Variants in DEPTOR observed in about 807,000 individuals in gnomAD.
DEPTOR encodes DEP domain-containing mTOR-interacting protein.
Under a neutral mutation model 41.6 loss-of-function variants are expected in DEPTOR, and 41 were observed. The observed-to-expected ratio is 0.98, with a 90% confidence interval of 0.77 to 1.28. The LOEUF (loss-of-function observed/expected upper bound fraction) is 1.28. Ranked by LOEUF, DEPTOR falls within the 50% of genes most tolerant of loss-of-function variation. The pLI is 0.00. For missense variants in DEPTOR, 514 were observed against 527.9 expected (o/e 0.97, Z 0.26); for synonymous variants, 195 against 192.3 (o/e 1.01, Z -0.12).
chr8:119,890,170 A>T (rs1192065990), intron 1 of DEPTOR, among the ~76,000 whole-genome samples: 1 of 152,028 alleles, frequency 6.6e-6, no homozygotes, highest in Admixed American at 6.6e-5. Context: ...TCCCAGGCTG[A>T]TCTTGAACTC....
chr8:120,021,091 G>GAAATAAAATAAAATAAAATAAAATA (rs1563594661), intron 8 of DEPTOR, among the ~76,000 whole-genome samples: 1 of 18,798 alleles, frequency 5.3e-5, no homozygotes, highest in African/African-American at 1.7e-4. Flanking sequence ...AATAAAATAG[G>GAAATAAAATAAAATAAAATAAAATA]GCTGATAATA....
intron 8 of DEPTOR, among the ~76,000 whole-genome samples, chr8:120,034,044 G>C (rs905026208): frequency 2.0e-5 from 3 of 152,088 alleles, no homozygotes; most frequent in African/African-American, 7.2e-5. Flanking sequence ...TCCAGTCTGG[G>C]TGACAGAGTG....
intron 8 of DEPTOR, among the ~76,000 whole-genome samples, chr8:120,043,367 G>C (rs1185788910): frequency 6.6e-6 from 1 of 152,066 alleles, no homozygotes; most frequent in Non-Finnish European, 1.5e-5. Context: ...CAAGGAAAAA[G>C]TTTGAAATAA....
At chr8:120,040,468 C>G (rs759102916) in intron 8 of DEPTOR, among the ~76,000 whole-genome samples, 39 of 151,900 alleles carry the variant, frequency 2.6e-4, no homozygotes, top group Admixed American at 7.9e-4. Context: ...CCCAGCTACT[C>G]GGGAGGCTGA....
intron 6 of DEPTOR, among the ~76,000 whole-genome samples, chr8:120,003,484 G>T (rs1488357917): frequency 6.6e-6 from 1 of 152,142 alleles, no homozygotes; most frequent in Non-Finnish European, 1.5e-5. Context: ...TCAGAGAGAT[G>T]GTCTCCAAGA....
chr8:119,897,590 T>C (rs1336978839), intron 1 of DEPTOR, among the ~76,000 whole-genome samples: 2 of 152,182 alleles, frequency 1.3e-5, no homozygotes, highest in East Asian at 3.9e-4. Context: ...TTTCAAGATA[T>C]TTCTCGATTT....
intron 3 of DEPTOR, among the ~76,000 whole-genome samples, chr8:119,951,095 AT>A (rs1358304844): frequency 2.6e-5 from 4 of 151,450 alleles, no homozygotes; most frequent in African/African-American, 7.3e-5. Context: ...ACACACACAC[AT>A]CAATTTTCCC....
At chr8:119,986,288 C>T (rs1036081288) in intron 4 of DEPTOR, among the ~76,000 whole-genome samples, 5 of 152,068 alleles carry the variant, frequency 3.3e-5, no homozygotes, top group South Asian at 4.2e-4. Flanking sequence ...CACTTATAAG[C>T]GTAGTTTGGC....
At chr8:120,029,686 G>T (rs556006137) in intron 8 of DEPTOR, among the ~76,000 whole-genome samples, 2 of 152,096 alleles carry the variant, frequency 1.3e-5, no homozygotes, top group African/African-American at 4.8e-5. Context: ...GTGAGCCACC[G>T]CACCCAGCCA....
chr8:120,039,327 C>T lies in DEPTOR; in HGVS notation c.1102-10249C>T, dbSNP rs1813023696. Among the ~76,000 whole-genome samples the T allele has an allele frequency of 2.6e-5, 4 of 152,200 alleles. No individual in the cohort carries two copies. In the South Asian group the frequency reaches 8.3e-4, roughly 31 times the overall value. Reference sequence around the variant, plus strand: ...GTAACTATTTATTGTTTATAAGCCACTCAGTTTATGGTATTTGATGTTTGT... The same window carrying T: ...GTAACTATTTATTGTTTATAAGCCATTCAGTTTATGGTATTTGATGTTTGT... On this transcript the variant is annotated intron_variant, in intron 8 of 8. Transcript: ENST00000286234.
intron 1 of DEPTOR, among the ~76,000 whole-genome samples, chr8:119,899,221 A>C (rs1006851056): frequency 5.3e-5 from 8 of 152,128 alleles, no homozygotes; most frequent in African/African-American, 1.9e-4. Context: ...AGACTTCCTC[A>C]TGTTATGAGA....
In DEPTOR at chr8:120,013,159, AG is replaced by A. The variant is rs1279362739; in HGVS notation, c.1101+4027del. On this transcript the variant is annotated intron_variant, in intron 8 of 8. Coordinates refer to ENST00000286234, the MANE Select transcript of DEPTOR (RefSeq NM_022783.4). Reference sequence around the variant, plus strand: ...GTGACAGAGCGAGACTGTCTCAAAAAGAAAAAAAAAAAAAAAGATGATGGGA... The same window carrying A: ...GTGACAGAGCGAGACTGTCTCAAAAAAAAAAAAAAAAAAAAGATGATGGGA... 6.2e-4 allele frequency among the ~76,000 whole-genome samples: 93 copies of A among 150,542 alleles called. 3 individuals are homozygous for A. The highest frequency in any genetic ancestry group is 1.8e-3 in the African/African-American group (76 of 41,126).
At chr8:119,876,329 T>A (rs1208066218) in intron 1 of DEPTOR, among the ~76,000 whole-genome samples, 1 of 152,162 alleles carries the variant, frequency 6.6e-6, no homozygotes, top group East Asian at 1.9e-4. Flanking sequence ...CTAGACTGAA[T>A]CTTGGCTTTG....
At chr8:119,964,351 C>G (rs1262124566) in intron 3 of DEPTOR, among the ~76,000 whole-genome samples, 6 of 151,856 alleles carry the variant, frequency 4.0e-5, no homozygotes, top group Non-Finnish European at 8.8e-5. Context: ...CCCGTCTCTA[C>G]TAAAAATACA....
chr8:119,998,817 A>G (rs960959547), intron 4 of DEPTOR, among the ~76,000 whole-genome samples: 6 of 152,124 alleles, frequency 3.9e-5, no homozygotes, highest in African/African-American at 9.7e-5. Context: ...CAGAAGCAGT[A>G]AGAGCAGTGG....
chr8:119,880,113 G>T (rs1827280251), intron 1 of DEPTOR, among the ~76,000 whole-genome samples: 1 of 151,398 alleles, frequency 6.6e-6, no homozygotes, highest in Non-Finnish European at 1.5e-5. Flanking sequence ...CTGCACTCCA[G>T]CCTGGGTGAC....
chr8:119,946,433 T>C (rs1828277821), intron 3 of DEPTOR, among the ~76,000 whole-genome samples: 1 of 111,930 alleles, frequency 8.9e-6, no homozygotes, highest in South Asian at 3.7e-4. Context: ...TAGTGTTTGG[T>C]TTTTTTTTTT....
At chr8:119,988,958 C>CTTTTTT (rs71571643) in intron 4 of DEPTOR, among the ~76,000 whole-genome samples, 12 of 93,920 alleles carry the variant, frequency 1.3e-4, no homozygotes, top group African/African-American at 3.1e-4. Flanking sequence ...TTTTTTTTTT[C>CTTTTTT]TTTTTTTTTT....
chr8:120,006,699 C>A (rs778410376), intron 6 of DEPTOR, 106 bp from the exon 7 acceptor site: 4 of 974,696 alleles, frequency 4.1e-6, no homozygotes, highest in African/African-American at 1.6e-5. Context: ...ATCTTTGCCA[C>A]TTTTTCTCAC....
Sources: gnomAD v4.1 joint callset for allele counts (sites outside exome capture counted in the v4.1 genomes callset) on GRCh38, gnomAD v4.1.1 for gene constraint, MANE v1.5 for transcripts, NCBI Gene and HGNC (gene_info 2026-07-23, HGNC 2026-07-21) for gene names.